The following RNF220 variants were observed in gnomAD, a reference collection of about 807,000 sequenced individuals.
The protein encoded by RNF220 is ring finger protein 220.
RNF220 carries 7 observed loss-of-function variants against 67.1 expected under a neutral mutation model. That is an observed-to-expected ratio of 0.10 (90% CI 0.06 to 0.20). The LOEUF (loss-of-function observed/expected upper bound fraction) is 0.20, where lower values mean the gene tolerates loss of function less well. Ranked by LOEUF, RNF220 falls within the 10% of genes least tolerant of loss-of-function variation. RNF220 has a pLI of 1.00. For missense variants in RNF220, 565 were observed against 740.3 expected (o/e 0.76, Z 2.75); for synonymous variants, 270 against 283.2 (o/e 0.95, Z 0.47).
At chr1:44,597,468 G>GCACACACA (rs56375404) in intron 2 of RNF220, among the ~76,000 whole-genome samples, 10 of 135,744 alleles carry the variant, frequency 7.4e-5, no homozygotes, top group East Asian at 4.8e-4. Flanking sequence ...TCTCTCTCAT[G>GCACACACA]CACACACACA....
intron 2 of RNF220, among the ~76,000 whole-genome samples, chr1:44,490,952 G>T (rs138440108): frequency 4.6e-5 from 7 of 152,102 alleles, no homozygotes; most frequent in African/African-American, 1.7e-4. Context: ...AGAATATTAT[G>T]TACAAATATA....
intron 2 of RNF220, among the ~76,000 whole-genome samples, chr1:44,607,954 C>T (rs986070108): frequency 6.7e-6 from 1 of 149,820 alleles, no homozygotes; most frequent in Non-Finnish European, 1.5e-5. Flanking sequence ...GACAGGGTCT[C>T]ACTCTGTAGG....
rs1644740458 is a variant in RNF220 at position 44,649,762 on chromosome 1, T to C, written c.1547T>C (p.Ile516Thr). ...CGTGGGGACCGTTACAAATGCCTCA[T>C]CTGCATGGTGAGTAGAAAAGAACCT... is the stretch of plus-strand genomic sequence containing the variant. ...LSRGDRYKCLICMDSYSMPLT... is the reference protein window; with the variant it reads ...LSRGDRYKCLTCMDSYSMPLT... Residue 516 changes from isoleucine (I) to threonine (T), a missense_variant, in exon 13 of 15, where the codon ATC (isoleucine) becomes ACC (threonine). Ile to Thr is a moderately conservative substitution (Grantham distance 89). Coordinates refer to ENST00000361799, the MANE Select transcript of RNF220 (RefSeq NM_018150.4). This position sits in a 1 kb window ranked among gnomAD's most constrained non-coding sequence, Gnocchi z 5.9. The C allele has an allele frequency of 6.2e-7, 1 of 1,613,970 alleles. No homozygotes were observed. Among genetic ancestry groups the C allele is most frequent in the Non-Finnish European group, 8.5e-7 (1 of 1,179,930 alleles).
At chr1:44,475,989 A>G (rs753795882) in intron 2 of RNF220, among the ~76,000 whole-genome samples, 1 of 150,800 alleles carries the variant, frequency 6.6e-6, no homozygotes, top group South Asian at 2.1e-4. Context: ...ATAGAGCAAG[A>G]CTCCATCTCA....
chr1:44,520,122 T>TGAGAGA (rs1296792228), intron 2 of RNF220, among the ~76,000 whole-genome samples: 4 of 142,710 alleles, frequency 2.8e-5, no homozygotes, highest in African/African-American at 1.1e-4. Flanking sequence ...TGTGTGTGTG[T>TGAGAGA]GTGTGTGAGA....
At chr1:44,602,813 C>CATTAGCCAT (rs1667016274) in intron 2 of RNF220, among the ~76,000 whole-genome samples, 2 of 152,102 alleles carry the variant, frequency 1.3e-5, no homozygotes, top group Admixed American at 1.3e-4. Context: ...TCTCAGGTCA[C>CATTAGCCAT]TGCTTGGCTA....
In RNF220 at chr1:44,624,209, C is replaced by G. The variant is rs1643880807; in HGVS notation, c.804+1422C>G. ...TCACAGAGGTAGCGAGCTACACTCA[C>G]TGAGTGTGGCCCAGCCTGCAGCATT... is the stretch of plus-strand genomic sequence containing the variant. On this transcript the variant is annotated intron_variant, in intron 4 of 14. Transcript: ENST00000361799. The surrounding 1 kb of genome is among the most constrained non-coding windows in gnomAD (Gnocchi z 4.2). Among the ~76,000 whole-genome samples, 1 of 152,226 alleles carries G rather than the reference C, an allele frequency of 6.6e-6. No individual in the cohort carries two copies. The highest frequency in any genetic ancestry group is 2.4e-5 in the African/African-American group (1 of 41,464).
In RNF220 at chr1:44,565,287, CAGGG is replaced by C. The variant is rs958106496; in HGVS notation, c.626-48860_626-48857del. On this transcript the variant is annotated intron_variant, in intron 2 of 14. Transcript: ENST00000361799. The surrounding 1 kb of genome is among the most constrained non-coding windows in gnomAD (Gnocchi z 4.2). Reference sequence around the variant, plus strand: ...CCAATCTGGAAGCCTGGGGAAAATGCAGGGAGGGAGGGAGGGAGGGAAGAAGGAG... The same window carrying C: ...CCAATCTGGAAGCCTGGGGAAAATGCAGGGAGGGAGGGAGGGAAGAAGGAG... 1.0e-4 allele frequency among the ~76,000 whole-genome samples: 13 copies of C among 127,266 alleles called. No individual in the cohort carries two copies. The highest frequency in any genetic ancestry group is 7.8e-4 in the East Asian group (3 of 3,860). 83.5% of individuals were successfully genotyped at this position (127,266 alleles called of 152,430 possible). A position where few individuals can be genotyped will look rare whatever the true frequency, so the allele number is the denominator to read the frequency against.
chr1:44,459,443 C>A (rs1228418846), intron 2 of RNF220, among the ~76,000 whole-genome samples: 1 of 148,664 alleles, frequency 6.7e-6, no homozygotes, highest in Non-Finnish European at 1.5e-5. Context: ...TCACACAGAA[C>A]CCCCCCTAAT....
chr1:44,543,655 A>G (rs1475777629), intron 2 of RNF220, among the ~76,000 whole-genome samples: 1 of 152,048 alleles, frequency 6.6e-6, no homozygotes, highest in South Asian at 2.1e-4. Context: ...AGAGTACGTG[A>G]CCGGGGTGTA....
chr1:44,412,140 T>A lies in RNF220; in HGVS notation c.43T>A (p.Tyr15Asn). Residue 15 changes from tyrosine to asparagine, a missense_variant, in exon 2 of 15, where the codon TAC becomes AAC. By Grantham distance (143) the Tyr-to-Asn change is moderately radical. Transcript: ENST00000361799. The surrounding 1 kb of genome is among the most constrained non-coding windows in gnomAD (Gnocchi z 5.3). ...AGCCTTCAAGATGGAGAACTCATCC[T>A]ACCTTCCCAACCCTCTGGCATCCCC... is the stretch of plus-strand genomic sequence containing the variant. ...RAAFKMENSS[Y>N]LPNPLASPAL... 1 of 1,614,054 alleles carries A rather than the reference T, an allele frequency of 6.2e-7. No homozygotes were observed. The highest frequency in any genetic ancestry group is 8.5e-7 in the Non-Finnish European group (1 of 1,179,944).
chr1:44,576,496 C>T (rs1391476704), intron 2 of RNF220, among the ~76,000 whole-genome samples: 2 of 152,154 alleles, frequency 1.3e-5, no homozygotes, highest in African/African-American at 2.4e-5. Flanking sequence ...AGGATTCCCT[C>T]CCAATTCTAG....
intron 2 of RNF220, among the ~76,000 whole-genome samples, chr1:44,579,471 G>A (rs979314358): frequency 6.6e-6 from 1 of 152,182 alleles, no homozygotes; most frequent in Non-Finnish European, 1.5e-5. Context: ...TTCTGGCGCT[G>A]TGGGGCCTAA....
In RNF220 at chr1:44,411,950, C is replaced by G. The variant is rs1050843283; in HGVS notation, c.-117-31C>G. Reference sequence around the variant, plus strand: ...TTTTCCTCCCCCTGACTTTCCTCCCCCTTCTTTTTTTCTCTTTGCTGTTTC... The same window carrying G: ...TTTTCCTCCCCCTGACTTTCCTCCCGCTTCTTTTTTTCTCTTTGCTGTTTC... On this transcript the variant is annotated intron_variant, in intron 1 of 14. Coordinates refer to ENST00000361799, the MANE Select transcript of RNF220 (RefSeq NM_018150.4). 1.2e-5 allele frequency: 10 copies of G among 864,522 alleles called. No homozygotes were observed. The African/African-American group carries it at 1.5e-4, about 13-fold the overall frequency. The allele number at this position is 864,522 out of a possible 1,614,324, so 53.6% of individuals were successfully genotyped here.
At chr1:44,472,142 C>T (rs1654868797) in intron 2 of RNF220, among the ~76,000 whole-genome samples, 1 of 152,090 alleles carries the variant, frequency 6.6e-6, no homozygotes, top group African/African-American at 2.4e-5. Context: ...ATCTTGTTTC[C>T]ACCTTTTGGC....
At chr1:44,497,489 AG>A (rs1304706626) in intron 2 of RNF220, among the ~76,000 whole-genome samples, 1 of 152,120 alleles carries the variant, frequency 6.6e-6, no homozygotes, top group African/African-American at 2.4e-5. Context: ...AGGGAACATC[AG>A]GTCTCATCAG....
intron 2 of RNF220, among the ~76,000 whole-genome samples, chr1:44,453,547 C>G (rs1652889394): frequency 6.6e-6 from 1 of 151,780 alleles, no homozygotes; most frequent in Non-Finnish European, 1.5e-5. Flanking sequence ...TTTGAAGGAT[C>G]TTTTCATGGT....
At chr1:44,503,873 GA>G (rs1374519722) in intron 2 of RNF220, among the ~76,000 whole-genome samples, 3 of 151,370 alleles carry the variant, frequency 2.0e-5, no homozygotes, top group Non-Finnish European at 4.4e-5. Flanking sequence ...TTTTTTTTTA[GA>G]CAGAGTCTGC....
chr1:44,535,977 G>A (rs1323111621), intron 2 of RNF220, among the ~76,000 whole-genome samples: 2 of 152,220 alleles, frequency 1.3e-5, no homozygotes, highest in African/African-American at 4.8e-5. Flanking sequence ...AGGATGAAGT[G>A]TAACAGGGCC....
Sources: allele counts gnomAD v4.1 joint callset (sites outside exome capture counted in the v4.1 genomes callset), GRCh38; gene constraint gnomAD v4.1.1; non-coding constraint Gnocchi (gnomAD v3.1); transcripts MANE v1.5; gene names NCBI Gene and HGNC (gene_info 2026-07-23, HGNC 2026-07-21).